The following DYRK3 variants were observed in gnomAD, a reference collection of about 807,000 sequenced individuals.
DYRK3 encodes the protein dual specificity tyrosine-phosphorylation-regulated kinase 3.
In DYRK3, 30 loss-of-function variants were observed where a neutral mutation model predicts 40.8. The observed-to-expected ratio is 0.74, with a 90% CI of 0.55 to 1.00. The LOEUF is 1.00. Among genes scored for constraint, DYRK3 ranks in the 50% least tolerant of loss-of-function variants. The probability of loss-of-function intolerance (pLI) is 0.00; values close to 1 mark genes in which losing one functional copy is unlikely to be tolerated. For missense variants in DYRK3, 699 were observed against 731.5 expected (o/e 0.96, Z 0.51); for synonymous variants, 272 against 260.7 (o/e 1.04, Z -0.42).
chr1:206,645,811 A>G (rs1671435500), intron 2 of DYRK3, among the ~76,000 whole-genome samples: 1 of 151,848 alleles, frequency 6.6e-6, no homozygotes, highest in Non-Finnish European at 1.5e-5. Context: ...ACAGGGATGA[A>G]CCACCATACC....
At position 206,650,899 on chromosome 1, in the gene DYRK3, A is replaced by C. The variant is rs1671614927; in HGVS notation, c.*1934A>C. ...TTAAACTGAGCCTTCAGCCTCATTAATAGGAGGAAGTCTTGGTACTTTTGG... is the reference window on the plus strand; with the variant it reads ...TTAAACTGAGCCTTCAGCCTCATTACTAGGAGGAAGTCTTGGTACTTTTGG... On this transcript the variant is annotated 3_prime_UTR_variant, in exon 3 of 3. Coordinates refer to ENST00000367109, the MANE Select transcript of DYRK3 (RefSeq NM_003582.4). Among the ~76,000 whole-genome samples the C allele has an allele frequency of 6.6e-6, 1 of 152,324 alleles. No individual in the cohort carries two copies. Among genetic ancestry groups the C allele is most frequent in the Non-Finnish European group, 1.5e-5 (1 of 68,020 alleles).
intron 1 of DYRK3, among the ~76,000 whole-genome samples, 195 bp from the exon 2 acceptor site, chr1:206,637,455 G>A (rs1553418543): frequency 1.3e-5 from 2 of 152,196 alleles, no homozygotes; most frequent in African/African-American, 4.8e-5. Flanking sequence ...ACCTAGAAAT[G>A]CTGTCCTTGA....
chr1:206,641,716 G>A (rs536013649), intron 2 of DYRK3, among the ~76,000 whole-genome samples: 1 of 150,368 alleles, frequency 6.7e-6, no homozygotes, highest in East Asian at 2.0e-4. Context: ...GGGAAAACTG[G>A]CTAGCCATAT....
In DYRK3 at chr1:206,638,270, C is replaced by CTTTTTT. The variant is rs55807350; in HGVS notation, c.189+528_189+533dup. Among the ~76,000 whole-genome samples, 60 of 73,488 alleles carry CTTTTTT rather than the reference C, an allele frequency of 8.2e-4. 2 individuals are homozygous for CTTTTTT. The highest frequency in any genetic ancestry group is 1.1e-3 in the African/African-American group (21 of 18,460). 48.2% of individuals were successfully genotyped at this position (73,488 alleles called of 152,430 possible). Reference sequence around the variant, plus strand: ...CATTTTGGGGACTGCAGACACTTAGCTTTTTTTTTTTTTTTTTTTTTTTTG... The same window carrying CTTTTTT: ...CATTTTGGGGACTGCAGACACTTAGCTTTTTTTTTTTTTTTTTTTTTTTTTTTTTTG... On this transcript the variant is annotated intron_variant, in intron 2 of 2. Coordinates refer to ENST00000367109, the MANE Select transcript of DYRK3 (RefSeq NM_003582.4).
rs2102352471 is a variant in DYRK3, at chr1:206,655,052, G to A, written c.*6087G>A. The stretch of plus-strand genomic sequence containing the variant: ...ATGGGATTCTGTCCATTGTCCGTTT[G>A]AGTCTGCTGACATGCTTCCTCTGGA... On this transcript the variant is annotated 3_prime_UTR_variant, in exon 3 of 3. Transcript: ENST00000367109. Among the ~76,000 whole-genome samples the A allele has an allele frequency of 6.6e-6, 1 of 152,370 alleles. No individual in the cohort carries two copies. Among genetic ancestry groups the A allele is most frequent in the East Asian group, 1.9e-4 (1 of 5,194 alleles).
In DYRK3 at chr1:206,647,932, G is replaced by T; in HGVS notation, c.734G>T (p.Arg245Leu). The T allele has an allele frequency of 6.2e-7, 1 of 1,614,006 alleles. No homozygotes were observed. The highest frequency in any genetic ancestry group is 8.5e-7 in the Non-Finnish European group (1 of 1,180,020). Residue 245 changes from arginine to leucine, a missense_variant, in exon 3 of 3, where the codon CGC (arginine) becomes CTC (leucine). Coordinates refer to ENST00000367109, the MANE Select transcript of DYRK3 (RefSeq NM_003582.4). ...VALKMVRNEKRFHRQAAEEIR... is the reference protein window; with the variant it reads ...VALKMVRNEKLFHRQAAEEIR... The stretch of plus-strand genomic sequence containing the variant: ...CTAAAAATGGTGCGCAATGAGAAGC[G>T]CTTTCATCGTCAAGCAGCTGAGGAG...
chr1:206,635,848 TG>T, intron 1 of DYRK3, 68 bp downstream of exon 1: 4 of 1,240,020 alleles, frequency 3.2e-6, no homozygotes, highest in Non-Finnish European at 4.0e-6. Context: ...AAGCGAAGCT[TG>T]GGGGTGGGGA....
At chr1:206,646,315 G>T (rs1377747238) in intron 2 of DYRK3, among the ~76,000 whole-genome samples, 1 of 151,886 alleles carries the variant, frequency 6.6e-6, no homozygotes, top group Non-Finnish European at 1.5e-5. Flanking sequence ...GGTTGTTTTT[G>T]TCCTTCTTTT....
Position 206,651,829 on chromosome 1 carries a change from A to T in DYRK3, c.*2864A>T, listed in dbSNP as rs1671639701. 6.6e-6 allele frequency among the ~76,000 whole-genome samples: 1 copy of T among 152,188 alleles called. No individual in the cohort carries two copies. The highest frequency in any genetic ancestry group is 2.4e-5 in the African/African-American group (1 of 41,440). On this transcript the variant is annotated 3_prime_UTR_variant, in exon 3 of 3. Coordinates refer to ENST00000367109, the MANE Select transcript of DYRK3 (RefSeq NM_003582.4). ...TGCATGGGTTTCTCACTGAATAGTA[A>T]ATTAGAGAAAATGCTACTTTTACTA...
At position 206,651,536 on chromosome 1, in the gene DYRK3, A is replaced by G. The variant is rs182521121; in HGVS notation, c.*2571A>G. 1.6e-4 allele frequency among the ~76,000 whole-genome samples: 25 copies of G among 152,314 alleles called. No homozygotes were observed. Among genetic ancestry groups the G allele is most frequent in the African/African-American group, 6.0e-4 (25 of 41,562 alleles). ...TGTAACTTAGGGTGTAAAAGCTCATATCTACTCAAAAAACTCAAATCTACT... is the reference window on the plus strand; with the variant it reads ...TGTAACTTAGGGTGTAAAAGCTCATGTCTACTCAAAAAACTCAAATCTACT... On this transcript the variant is annotated 3_prime_UTR_variant, in exon 3 of 3. Transcript: ENST00000367109.
At position 206,637,632 on chromosome 1, in the gene DYRK3, T is replaced by A; in HGVS notation, c.78-18T>A. On this transcript the variant is annotated intron_variant, in intron 1 of 2. Transcript: ENST00000367109. ...TCTTCAGTTCCTGACAGATTTTGTC[T>A]GTAATCCTTTTAACTAGGTTGGGGG... 1 of 1,572,800 alleles carries A rather than the reference T, an allele frequency of 6.4e-7. No individual in the cohort carries two copies. Among genetic ancestry groups the A allele is most frequent in the Non-Finnish European group, 8.7e-7 (1 of 1,143,210 alleles).
At position 206,652,813 on chromosome 1, in the gene DYRK3, A is replaced by G. The variant is rs1671665345; in HGVS notation, c.*3848A>G. On this transcript the variant is annotated 3_prime_UTR_variant, in exon 3 of 3. Transcript: ENST00000367109. Reference sequence around the variant, plus strand: ...CCATAGCAATGAGTGACTGAATTGGATCAGAGTTAGTACAGAAATTCAGAC... The same window carrying G: ...CCATAGCAATGAGTGACTGAATTGGGTCAGAGTTAGTACAGAAATTCAGAC... 6.6e-6 allele frequency among the ~76,000 whole-genome samples: 1 copy of G among 152,320 alleles called. No homozygotes were observed. The highest frequency in any genetic ancestry group is 1.5e-5 in the Non-Finnish European group (1 of 68,020).
At chr1:206,635,958 C>T (rs201295410) in intron 1 of DYRK3, 178 bp downstream of exon 1, 2 of 1,331,094 alleles carry the variant, frequency 1.5e-6, no homozygotes, top group Non-Finnish European at 9.6e-7. Flanking sequence ...CCCCTCCCCC[C>T]ATCCCTGTCT....
intron 1 of DYRK3, 145 bp from the exon 2 acceptor site, chr1:206,637,504 AC>A: frequency 1.8e-6 from 1 of 567,906 alleles, no homozygotes; most frequent in Non-Finnish European, 3.1e-6. Context: ...TCTTCCAAAT[AC>A]CCCAGTTGTT....
rs79542676 is a variant in DYRK3 at position 206,639,214 on chromosome 1, G to A, written c.189+1453G>A. ...TTTCAACACTAGTAGTATACAAAAC[G>A]TGAGCTAAAAATATTTTGAAGGCTG... On this transcript the variant is annotated intron_variant, in intron 2 of 2. Transcript: ENST00000367109. 5.3e-5 allele frequency among the ~76,000 whole-genome samples: 8 copies of A among 152,134 alleles called. No homozygotes were observed. In the East Asian group the frequency reaches 1.4e-3, roughly 26 times the overall value.
Position 206,648,305 on chromosome 1 carries a change from T to C in DYRK3, c.1107T>C (p.Tyr369=), listed in dbSNP as rs782125572. 1.2e-6 allele frequency: 2 copies of C among 1,614,158 alleles called. No homozygotes were observed. Among genetic ancestry groups the C allele is most frequent in the South Asian group, 1.1e-5 (1 of 91,086 alleles). Residue 369 remains tyrosine, a synonymous_variant, in exon 3 of 3, where the codon TAT becomes TAC. Transcript: ENST00000367109. ...TCGAGTACCAGAAGCTCTACACATATATCCAGTCTCGGTTCTACAGAGCTC... is the reference window on the plus strand; with the variant it reads ...TCGAGTACCAGAAGCTCTACACATACATCCAGTCTCGGTTCTACAGAGCTC... ...SCFEYQKLYT[Y]IQSRFYRAPE...
chr1:206,650,206 G>A lies in DYRK3; in HGVS notation c.*1241G>A, dbSNP rs1274937364. 6.6e-5 allele frequency among the ~76,000 whole-genome samples: 10 copies of A among 152,212 alleles called. No individual in the cohort carries two copies. The highest frequency in any genetic ancestry group is 6.5e-4 in the Admixed American group (10 of 15,278). On this transcript the variant is annotated 3_prime_UTR_variant, in exon 3 of 3. Transcript: ENST00000367109. ...TCACTGCTACTGGGTTTTGTTTGTT[G>A]TTTCCTGTCCCTTGCTCTATTTCTG...
chr1:206,647,055 G>A (rs1671475142), intron 2 of DYRK3, among the ~76,000 whole-genome samples: 2 of 152,044 alleles, frequency 1.3e-5, no homozygotes, highest in African/African-American at 4.8e-5. Context: ...AAGGAATGTA[G>A]GAGTCGAGGG....
chr1:206,654,597 C>G lies in DYRK3; in HGVS notation c.*5632C>G, dbSNP rs546209991. On this transcript the variant is annotated 3_prime_UTR_variant, in exon 3 of 3. Coordinates refer to ENST00000367109, the MANE Select transcript of DYRK3 (RefSeq NM_003582.4). ...AACTTTTAAAGAATTTACTTCCAGACCTGGCCTTCAGCCTAATATGATTAG... is the reference window on the plus strand; with the variant it reads ...AACTTTTAAAGAATTTACTTCCAGAGCTGGCCTTCAGCCTAATATGATTAG... Among the ~76,000 whole-genome samples the G allele has an allele frequency of 3.9e-5, 6 of 152,198 alleles. No homozygotes were observed. The highest frequency in any genetic ancestry group is 8.8e-5 in the Non-Finnish European group (6 of 68,030).
Sources: gnomAD v4.1 joint callset for allele counts (sites outside exome capture counted in the v4.1 genomes callset) on GRCh38, gnomAD v4.1.1 for gene constraint, MANE v1.5 for transcripts, NCBI Gene and HGNC (gene_info 2026-07-23, HGNC 2026-07-21) for gene names.